Variants in KAZN observed in about 807,000 individuals in gnomAD.
The protein encoded by KAZN is kazrin, periplakin interacting protein.
KAZN carries 40 observed loss-of-function variants against 87.4 expected under a neutral mutation model. The observed-to-expected ratio is 0.46, with a 90% CI of 0.36 to 0.60. The LOEUF is 0.60. Ranked by LOEUF, KAZN falls within the 20% of genes least tolerant of loss-of-function variation. The pLI is 0.00. For synonymous variants in KAZN, 466 were observed against 458.3 expected (o/e 1.02, Z -0.22); for missense variants, 898 against 1,073.9 (o/e 0.84, Z 2.29).
chr1:15,068,567 A>G (rs985328838), intron 8 of KAZN, among the ~76,000 whole-genome samples: 2 of 151,870 alleles, frequency 1.3e-5, no homozygotes, highest in African/African-American at 4.8e-5. Flanking sequence ...GCGTCCCACG[A>G]TCCCACCCTC....
At chr1:14,366,954 G>A (rs1022168712) in intron 2 of KAZN, among the ~76,000 whole-genome samples, 5 of 152,196 alleles carry the variant, frequency 3.3e-5, no homozygotes, top group Non-Finnish European at 5.9e-5. Flanking sequence ...ATGGCTAGCC[G>A]GGCACAGTGG....
At chr1:14,046,661 G>T (rs4662090) in intron 1 of KAZN, among the ~76,000 whole-genome samples, 1 of 151,948 alleles carries the variant, frequency 6.6e-6, no homozygotes, top group Non-Finnish European at 1.5e-5. Context: ...AATGGTGGGG[G>T]TTTATTGAGC....
At chr1:14,754,639 A>T (rs6672445) in intron 1 of KAZN, among the ~76,000 whole-genome samples, 71,325 of 151,926 alleles carry the variant, frequency 0.47, 17,271 homozygotes, top group Middle Eastern at 0.52. Context: ...TCTAAAATTT[A>T]AAAAAATTCA....
intron 1 of KAZN, among the ~76,000 whole-genome samples, chr1:14,752,665 C>A (rs1557453402): frequency 6.6e-6 from 1 of 152,134 alleles, no homozygotes. Flanking sequence ...GCAGACCCCT[C>A]ATGACTGAAT....
chr1:14,095,805 TG>T (rs749743722), intron 1 of KAZN, among the ~76,000 whole-genome samples: 1 of 152,186 alleles, frequency 6.6e-6, no homozygotes, highest in Non-Finnish European at 1.5e-5. Flanking sequence ...TGGTCTCTTA[TG>T]ACCTAGCCTT....
chr1:14,177,235 A>T (rs563946), intron 1 of KAZN, among the ~76,000 whole-genome samples: 98,380 of 152,062 alleles, frequency 0.65, 33,393 homozygotes, highest in African/African-American at 0.86. Flanking sequence ...ACTCTATGTA[A>T]GTTATCAACC....
rs2100585971 is a variant in KAZN, at chr1:14,769,871, G to T, written c.226+170648G>T. ...TTGACGAAGTAACTGAGTATTCTGG[G>T]TTTGGGACCGGGCTATAGGATCCTA... On this transcript the variant is annotated intron_variant, in intron 1 of 14. Transcript: ENST00000376030. This position sits in a 1 kb window ranked among gnomAD's most constrained non-coding sequence, Gnocchi z 4.1. 6.6e-6 allele frequency among the ~76,000 whole-genome samples: 1 copy of T among 152,330 alleles called. No individual in the cohort carries two copies. Among genetic ancestry groups the T allele is most frequent in the South Asian group, 2.1e-4 (1 of 4,826 alleles).
At chr1:13,934,031 T>C (rs1640627981) in intron 1 of KAZN, among the ~76,000 whole-genome samples, 1 of 152,208 alleles carries the variant, frequency 6.6e-6, no homozygotes, top group African/African-American at 2.4e-5. Context: ...CAAGAATACC[T>C]CCACGCCTTT....
chr1:14,383,818 T>C (rs971526650), intron 2 of KAZN, among the ~76,000 whole-genome samples: 6 of 152,176 alleles, frequency 3.9e-5, no homozygotes, highest in Admixed American at 2.6e-4. Context: ...TGATTCCATA[T>C]GAACTTTAAA....
upstream of KAZN, among the ~76,000 whole-genome samples, chr1:14,598,195 G>T (rs1676631934): frequency 1.3e-5 from 2 of 152,152 alleles, no homozygotes; most frequent in South Asian, 4.1e-4. The surrounding 1 kb of genome is among the most constrained non-coding windows in gnomAD (Gnocchi z 4.2). Flanking sequence ...TGCGGGTGGG[G>T]GGTGGAGAGT....
At chr1:14,156,118 A>AT (rs1645588396) in intron 1 of KAZN, among the ~76,000 whole-genome samples, 3 of 152,156 alleles carry the variant, frequency 2.0e-5, no homozygotes, top group African/African-American at 7.2e-5. Flanking sequence ...GGACCATATT[A>AT]TTTAATTTCC....
At chr1:13,943,999 A>C (rs1641039088) in intron 1 of KAZN, among the ~76,000 whole-genome samples, 1 of 142,940 alleles carries the variant, frequency 7.0e-6, no homozygotes, top group South Asian at 2.2e-4. Flanking sequence ...AGGTAAAACT[A>C]TCATAGCAAT....
intron 2 of KAZN, among the ~76,000 whole-genome samples, chr1:14,182,774 C>G (rs2100322664): frequency 6.6e-6 from 1 of 152,286 alleles, no homozygotes. Context: ...CTTCTTCTCT[C>G]AATTCCAAAG....
intron 1 of KAZN, among the ~76,000 whole-genome samples, chr1:14,069,975 C>G (rs573122632): frequency 6.6e-6 from 1 of 151,904 alleles, no homozygotes; most frequent in Non-Finnish European, 1.5e-5. Flanking sequence ...TTGAGACCAT[C>G]TTGACCAACA....
At chr1:14,412,308 GAAC>G (rs1018659421) in intron 2 of KAZN, among the ~76,000 whole-genome samples, 1 of 152,054 alleles carries the variant, frequency 6.6e-6, no homozygotes, top group Admixed American at 6.5e-5. Flanking sequence ...GCTTTTATAA[GAAC>G]AACCAAAATA....
At chr1:14,020,474 CA>C (rs1640773162) in intron 1 of KAZN, among the ~76,000 whole-genome samples, 1 of 152,168 alleles carries the variant, frequency 6.6e-6, no homozygotes, top group South Asian at 2.1e-4. Context: ...ACAGGATGAA[CA>C]AAAAGTCTTG....
At chr1:14,589,623 G>A (rs946394885) in intron 2 of KAZN, among the ~76,000 whole-genome samples, 11 of 152,198 alleles carry the variant, frequency 7.2e-5, no homozygotes, top group South Asian at 4.2e-4. Context: ...CAAGATCTAC[G>A]GCCGCTTCCT....
At chr1:14,317,607 T>G (rs967909791) in intron 2 of KAZN, among the ~76,000 whole-genome samples, 4 of 151,974 alleles carry the variant, frequency 2.6e-5, no homozygotes, top group Non-Finnish European at 1.5e-5. Flanking sequence ...TTTCCCTTTT[T>G]TTCTCCCTTC....
At chr1:14,631,533 CCCGAT>C (rs1273201497) in intron 1 of KAZN, among the ~76,000 whole-genome samples, 34 of 152,270 alleles carry the variant, frequency 2.2e-4, no homozygotes, top group East Asian at 1.2e-3. Context: ...GCCCTCCAGC[CCCGAT>C]CCTGCTACCT....
Sources: gnomAD v4.1 joint callset for allele counts (sites outside exome capture counted in the v4.1 genomes callset) on GRCh38, gnomAD v4.1.1 for gene constraint, Gnocchi (gnomAD v3.1) non-coding constraint, MANE v1.5 for transcripts, NCBI Gene and HGNC (gene_info 2026-07-23, HGNC 2026-07-21) for gene names.